ATP8A2: variants seen among roughly 807,000 people sequenced by gnomAD.
ATP8A2 encodes phospholipid-transporting ATPase IB.
ATP8A2 carries 100 observed loss-of-function variants against 165.6 expected under a neutral mutation model. That is an observed-to-expected ratio of 0.60 (90% CI 0.51 to 0.71). ATP8A2 has a LOEUF of 0.71. Among genes scored for constraint, ATP8A2 ranks in the 30% least tolerant of loss-of-function variants. ATP8A2 has a pLI of 0.00. For missense variants in ATP8A2, 1,227 were observed against 1,479.5 expected (o/e 0.83, Z 2.80); for synonymous variants, 543 against 548.8 (o/e 0.99, Z 0.15).
intron 20 of ATP8A2, among the ~76,000 whole-genome samples, chr13:25,577,549 T>A (rs540858275): frequency 7.2e-5 from 11 of 152,280 alleles, no homozygotes; most frequent in Admixed American, 6.5e-4. Flanking sequence ...TATGTTTTTT[T>A]CTCATACATT....
At chr13:25,539,061 G>GT (rs1491157043) in intron 7 of ATP8A2, among the ~76,000 whole-genome samples, 5 of 23,576 alleles carry the variant, frequency 2.1e-4, no homozygotes, top group African/African-American at 1.0e-3. Flanking sequence ...AGAAAATTTA[G>GT]TGTGTGTGTG....
rs1593495394 is a variant in ATP8A2, at chr13:25,880,398, AAGAGG to A, written c.3183+17991_3183+17995del. ...ACAACAAAAAAAAAAAAAAAAAAGGAAGAGGGGAAAAATGTGATTAGTATTATGTC... is the reference window on the plus strand; with the variant it reads ...ACAACAAAAAAAAAAAAAAAAAAGGAGGAAAAATGTGATTAGTATTATGTC... On this transcript the variant is annotated intron_variant, in intron 33 of 36. Coordinates refer to ENST00000381655, the MANE Select transcript of ATP8A2 (RefSeq NM_016529.6). Among the ~76,000 whole-genome samples, 5 of 150,176 alleles carry A rather than the reference AAGAGG, an allele frequency of 3.3e-5. No individual in the cohort carries two copies. The East Asian group carries it at 9.9e-4, about 30-fold the overall frequency.
chr13:25,756,191 T>C (rs2044257101), intron 25 of ATP8A2, among the ~76,000 whole-genome samples: 1 of 148,568 alleles, frequency 6.7e-6, no homozygotes, highest in African/African-American at 2.4e-5. Context: ...GCAGCCAGGA[T>C]AGGTTTTTTC....
At chr13:25,974,131 A>G (rs888419150) in intron 35 of ATP8A2, among the ~76,000 whole-genome samples, 10 of 152,316 alleles carry the variant, frequency 6.6e-5, no homozygotes, top group African/African-American at 2.4e-4. Flanking sequence ...GCTGGGCTCT[A>G]GCTTAGCTGT....
chr13:25,606,448 T>C (rs2040519402), intron 24 of ATP8A2, among the ~76,000 whole-genome samples: 1 of 152,218 alleles, frequency 6.6e-6, no homozygotes, highest in Non-Finnish European at 1.5e-5. Flanking sequence ...ATGGTTATTA[T>C]TTCTTAGAGA....
intron 2 of ATP8A2, among the ~76,000 whole-genome samples, chr13:25,517,550 G>T (rs1305403732): frequency 6.6e-6 from 1 of 152,168 alleles, no homozygotes; most frequent in Non-Finnish European, 1.5e-5. Flanking sequence ...ATTATAGGTA[G>T]ACTCTAATTT....
intron 33 of ATP8A2, among the ~76,000 whole-genome samples, chr13:25,900,245 G>A (rs1034212722): frequency 6.6e-6 from 1 of 152,134 alleles, no homozygotes; most frequent in African/African-American, 2.4e-5. Context: ...AACATGTACA[G>A]GCACAATTGA....
At position 25,384,218 on chromosome 13, in the gene ATP8A2, T is replaced by A. The variant is rs368149324; in HGVS notation, c.76+11930T>A. On this transcript the variant is annotated intron_variant, in intron 1 of 36. Coordinates refer to ENST00000381655, the MANE Select transcript of ATP8A2 (RefSeq NM_016529.6). ...TTCTTGTTCCTTTGCAGCTTAGCTA[T>A]TTTTTTAGTTTTGATTAGTTTTTAA... Among the ~76,000 whole-genome samples, 8 of 152,300 alleles carry A rather than the reference T, an allele frequency of 5.3e-5. No homozygotes were observed. The East Asian group carries it at 9.6e-4, about 18-fold the overall frequency.
chr13:25,849,122 G>C (rs962215088), intron 30 of ATP8A2, among the ~76,000 whole-genome samples: 17 of 152,104 alleles, frequency 1.1e-4, no homozygotes, highest in Non-Finnish European at 2.1e-4. Context: ...GGAGAAACTT[G>C]GTATCTGCTC....
chr13:25,624,103 C>T (rs2041044177), intron 24 of ATP8A2, among the ~76,000 whole-genome samples: 1 of 152,104 alleles, frequency 6.6e-6, no homozygotes, highest in South Asian at 2.1e-4. Flanking sequence ...AAACGGCTTA[C>T]TGAATTGGAC....
At chr13:25,582,563 T>C (rs1213289648) in intron 23 of ATP8A2, among the ~76,000 whole-genome samples, 1 of 152,250 alleles carries the variant, frequency 6.6e-6, no homozygotes, top group Non-Finnish European at 1.5e-5. Flanking sequence ...TCTGGTACTT[T>C]GATCAGCATT....
At chr13:25,605,971 T>C (rs748076514) in intron 24 of ATP8A2, among the ~76,000 whole-genome samples, 1 of 152,148 alleles carries the variant, frequency 6.6e-6, no homozygotes, top group Non-Finnish European at 1.5e-5. Context: ...TATAAATCCA[T>C]ATACTCCTTC....
chr13:25,837,382 C>A, intron 29 of ATP8A2, 97 bp downstream of exon 29: 31 of 1,332,398 alleles, frequency 2.3e-5, no homozygotes, highest in East Asian at 5.6e-5. Flanking sequence ...TGAGAAAGAA[C>A]ATTTGAGAAG....
At chr13:25,572,311 G>A (rs1025571712) in intron 18 of ATP8A2, among the ~76,000 whole-genome samples, 45 of 152,170 alleles carry the variant, frequency 3.0e-4, no homozygotes, top group African/African-American at 1.1e-3. Context: ...ACTAATTTTT[G>A]TATTTTTAGT....
At chr13:25,533,937 C>G (rs759374341) in intron 6 of ATP8A2, among the ~76,000 whole-genome samples, 8 of 152,162 alleles carry the variant, frequency 5.3e-5, no homozygotes, top group Non-Finnish European at 1.0e-4. Flanking sequence ...GCTGGACCTT[C>G]TTAATGGACA....
chr13:25,843,313 C>A (rs1034082427), intron 30 of ATP8A2, among the ~76,000 whole-genome samples: 11 of 152,186 alleles, frequency 7.2e-5, no homozygotes, highest in Admixed American at 6.5e-4. Flanking sequence ...GTGAGAGGCT[C>A]GGGACACTGG....
chr13:25,890,791 T>G (rs1953335828), intron 33 of ATP8A2, among the ~76,000 whole-genome samples: 1 of 152,204 alleles, frequency 6.6e-6, no homozygotes, highest in South Asian at 2.1e-4. Context: ...AATTTAGCTT[T>G]TAAAAACAAA....
chr13:25,902,502 T>C (rs1953783550), intron 33 of ATP8A2, among the ~76,000 whole-genome samples: 1 of 151,762 alleles, frequency 6.6e-6, no homozygotes, highest in African/African-American at 2.4e-5. Context: ...CTTTGGGCCA[T>C]AAGTGTTTGA....
At chr13:25,955,247 T>C (rs1244319401) in intron 33 of ATP8A2, among the ~76,000 whole-genome samples, 1 of 152,072 alleles carries the variant, frequency 6.6e-6, no homozygotes, top group African/African-American at 2.4e-5. Flanking sequence ...ATTCAAATAC[T>C]AGGAGAAGAC....
Sources: allele counts gnomAD v4.1 joint callset (sites outside exome capture counted in the v4.1 genomes callset), GRCh38; gene constraint gnomAD v4.1.1; transcripts MANE v1.5; gene names NCBI Gene and HGNC (gene_info 2026-07-23, HGNC 2026-07-21).